Variants in POC5 observed in about 807,000 individuals in gnomAD.
The protein encoded by POC5 is POC5 centriolar protein, also known as centrosomal protein POC5.
In POC5, 48 loss-of-function variants were observed where a neutral mutation model predicts 62.9. The ratio of observed to expected loss-of-function variants is 0.76; its 90% confidence interval spans 0.61 to 0.97. The LOEUF is 0.97. POC5 is among the 50% of genes least tolerant of loss of function. POC5 has a pLI of 0.00. For missense variants in POC5, 696 were observed against 679.5 expected (o/e 1.02, Z -0.27); for synonymous variants, 236 against 228.2 (o/e 1.03, Z -0.31).
At chr5:75,692,574 C>A in intron 6 of POC5, 74 bp from the exon 7 acceptor site, 4 of 1,043,102 alleles carry the variant, frequency 3.8e-6, no homozygotes, top group Admixed American at 4.6e-5. Context: ...TCTCATATAT[C>A]AAAAAATGCT....
intron 8 of POC5, chr5:75,689,455 T>C (rs935231033): frequency 1.0e-6 from 1 of 984,806 alleles, no homozygotes; most frequent in African/African-American, 1.7e-5. Context: ...GATACACCAT[T>C]TTTTACTGTA....
At position 75,685,118 on chromosome 5, in the gene POC5, C is replaced by T. The variant is rs574712738; in HGVS notation, c.1407+89G>A. On this transcript the variant is annotated intron_variant, in intron 10 of 11. Coordinates refer to ENST00000428202, the MANE Select transcript of POC5 (RefSeq NM_001099271.2). The stretch of plus-strand genomic sequence containing the variant: ...TCCTGACCTCGTGATCCACCTGCCT[C>T]GGCCTCCCAAAGTGCTGGGATTACA... The T allele has an allele frequency of 5.1e-5, 69 of 1,365,820 alleles. No individual in the cohort carries two copies. The Admixed American group carries it at 6.5e-4, about 13-fold the overall frequency. 84.6% of individuals were successfully genotyped at this position (1,365,820 alleles called of 1,614,324 possible).
Position 75,707,870 on chromosome 5 carries a change from T to C in POC5, c.90A>G (p.Glu30=). ...GSSVSSNLQE[E]YEELLHYAIV... ...TAGCATAATGAAGCAGTTCTTCATA[T>C]TCTTCCTAAGAGAGGCCAATAATCA... Residue 30 remains glutamate, a synonymous_variant, in exon 3 of 12, where the codon GAA becomes GAG. Coordinates refer to ENST00000428202, the MANE Select transcript of POC5 (RefSeq NM_001099271.2). The C allele has an allele frequency of 2.5e-6, 4 of 1,583,390 alleles. No homozygotes were observed. Among genetic ancestry groups the C allele is most frequent in the Non-Finnish European group, 3.5e-6 (4 of 1,159,384 alleles).
At chr5:75,712,692 A>C in intron 2 of POC5, 162 bp downstream of exon 2, 1 of 725,348 alleles carries the variant, frequency 1.4e-6, no homozygotes, top group Non-Finnish European at 2.3e-6. Context: ...ATGTAAAGTC[A>C]CTCCTAAAAT....
At chr5:75,686,433 G>A (rs1318456406) in intron 9 of POC5, among the ~76,000 whole-genome samples, 2 of 152,124 alleles carry the variant, frequency 1.3e-5, no homozygotes, top group Non-Finnish European at 2.9e-5. Flanking sequence ...CCTTTCCTTA[G>A]ACTATCTGTA....
chr5:75,700,176 T>C (rs1275754559), intron 5 of POC5, among the ~76,000 whole-genome samples: 5 of 151,830 alleles, frequency 3.3e-5, no homozygotes, highest in African/African-American at 7.3e-5. Context: ...GCCATCCCCA[T>C]CAAGCTACCA....
chr5:75,677,653 G>T, intron 11 of POC5, 121 bp downstream of exon 11: 2 of 673,036 alleles, frequency 3.0e-6, no homozygotes, highest in Non-Finnish European at 4.2e-6. Flanking sequence ...ACAGGAAAAG[G>T]CAGAACAAGT....
intron 5 of POC5, among the ~76,000 whole-genome samples, chr5:75,702,154 G>A (rs1488452630): frequency 6.6e-6 from 1 of 151,974 alleles, no homozygotes; most frequent in Non-Finnish European, 1.5e-5. Context: ...ACACACCGGG[G>A]CCTGTCAGGG....
intron 1 of POC5, among the ~76,000 whole-genome samples, chr5:75,713,736 G>C (rs1390175047): frequency 6.6e-6 from 1 of 152,204 alleles, no homozygotes; most frequent in Admixed American, 6.5e-5. Context: ...AGTTTTTAGA[G>C]AAGATGACCC....
At chr5:75,693,364 A>G (rs1001236189) in intron 6 of POC5, among the ~76,000 whole-genome samples, 4 of 151,948 alleles carry the variant, frequency 2.6e-5, no homozygotes, top group African/African-American at 9.7e-5. Context: ...TAAATTGGGC[A>G]CATTTACCAA....
intron 5 of POC5, among the ~76,000 whole-genome samples, chr5:75,702,121 A>G (rs1030744848): frequency 4.0e-5 from 6 of 151,676 alleles, no homozygotes; most frequent in Non-Finnish European, 8.8e-5. Flanking sequence ...ATGAGAACAC[A>G]TGGACACATG....
chr5:75,689,039 T>C lies in POC5; in HGVS notation c.1102A>G (p.Thr368Ala). 2.5e-6 allele frequency: 4 copies of C among 1,589,420 alleles called. No individual in the cohort carries two copies. The highest frequency in any genetic ancestry group is 3.4e-6 in the Non-Finnish European group (4 of 1,169,522). Reference protein sequence around the residue: ...GVCALNLEAMTIFQNRNDAGI... With the variant: ...GVCALNLEAMAIFQNRNDAGI... The stretch of plus-strand genomic sequence containing the variant: ...GCATCATTTCTGTTTTGAAATATAG[T>C]CATGGCTTCAAGATTTAATGCACAT... The change falls in exon 9 of 12, where the codon ACT (threonine) becomes GCT (alanine). Residue 368 changes from threonine (T) to alanine (A), a missense_variant. Coordinates refer to ENST00000428202, the MANE Select transcript of POC5 (RefSeq NM_001099271.2).
At chr5:75,713,051 TC>T in intron 1 of POC5, 100 bp from the exon 2 acceptor site, 1 of 794,400 alleles carries the variant, frequency 1.3e-6, no homozygotes, top group Non-Finnish European at 2.0e-6. Context: ...TCTGCAATCT[TC>T]CTGTGATATG....
intron 10 of POC5, among the ~76,000 whole-genome samples, chr5:75,682,509 A>C (rs111730867): frequency 0.011 from 1,239 of 115,336 alleles, 12 homozygotes; most frequent in East Asian, 0.037. Context: ...TTAGTGTTTT[A>C]TTTCTTTCTT....
At chr5:75,697,180 C>T (rs184116289) in intron 5 of POC5, among the ~76,000 whole-genome samples, 10 of 152,180 alleles carry the variant, frequency 6.6e-5, no homozygotes, top group African/African-American at 1.9e-4. Flanking sequence ...GGCAGGCCAA[C>T]GCTCAGATTC....
intron 5 of POC5, among the ~76,000 whole-genome samples, chr5:75,697,539 A>G (rs1776659806): frequency 6.6e-6 from 1 of 152,208 alleles, no homozygotes; most frequent in South Asian, 2.1e-4. Flanking sequence ...CTGCCCTAAA[A>G]GAGCTCCTGA....
At chr5:75,679,124 GT>G (rs1260800308) in intron 10 of POC5, among the ~76,000 whole-genome samples, 3 of 152,102 alleles carry the variant, frequency 2.0e-5, no homozygotes, top group Non-Finnish European at 4.4e-5. Context: ...CCCATTTCAT[GT>G]ATTTGTCTTA....
chr5:75,686,808 T>G (rs188553160), intron 9 of POC5, among the ~76,000 whole-genome samples: 1 of 152,162 alleles, frequency 6.6e-6, no homozygotes, highest in East Asian at 1.9e-4. Context: ...CTGTGCCTAA[T>G]TGGCACAGTA....
At position 75,712,033 on chromosome 5, in the gene POC5, C is replaced by T. The variant is rs192717030; in HGVS notation, c.84+821G>A. Among the ~76,000 whole-genome samples, 593 of 152,332 alleles carry T rather than the reference C, an allele frequency of 3.9e-3. 2 individuals carry two copies. Among genetic ancestry groups the T allele is most frequent in the South Asian group, 7.7e-3 (37 of 4,832 alleles). On this transcript the variant is annotated intron_variant, in intron 2 of 11. Transcript: ENST00000428202. ...CTAGGGTGCAAAAGCTCTGCCACAA[C>T]TCCAGACTAGTTTTATCCTGTAAAT...
Sources: allele counts gnomAD v4.1 joint callset (sites outside exome capture counted in the v4.1 genomes callset), GRCh38; gene constraint gnomAD v4.1.1; transcripts MANE v1.5; gene names NCBI Gene and HGNC (gene_info 2026-07-23, HGNC 2026-07-21).